Variants in FNDC1 observed in about 807,000 individuals in gnomAD.
FNDC1 encodes the protein fibronectin type III domain-containing protein 1.
A neutral mutation model predicts 168.0 loss-of-function variants in FNDC1; 96 were observed. The ratio of observed to expected loss-of-function variants is 0.57; its 90% CI spans 0.48 to 0.68. The LOEUF (loss-of-function observed/expected upper bound fraction) is 0.68. FNDC1 is among the 30% of genes least tolerant of loss of function. The pLI, the probability that FNDC1 is intolerant of heterozygous loss-of-function variation, is 0.00. For synonymous variants in FNDC1, 1,099 were observed against 1,025.9 expected, an observed-to-expected ratio of 1.07 and a Z score of -1.36; for missense variants, 2,587 against 2,482.1, an observed-to-expected ratio of 1.04 and a Z score of -0.90.
In FNDC1 at chr6:159,236,209, G is replaced by C. The variant is rs41267769; in HGVS notation, c.3968-6G>C. 1.7e-5 allele frequency: 28 copies of C among 1,606,392 alleles called. No individual in the cohort carries two copies. The highest frequency in any genetic ancestry group is 2.4e-5 in the Non-Finnish European group (28 of 1,173,392). Reference sequence around the variant, plus strand: ...CTCTGTTATTTTTATTTTTGGTACTGTGTAGGTTATAATGGCAGACCAAAT... The same window carrying C: ...CTCTGTTATTTTTATTTTTGGTACTCTGTAGGTTATAATGGCAGACCAAAT... On this transcript the variant is annotated splice_polypyrimidine_tract_variant and splice_region_variant and intron_variant, in intron 11 of 22. Transcript: ENST00000297267.
intron 17 of FNDC1, among the ~76,000 whole-genome samples, chr6:159,252,473 C>T (rs906237611): frequency 1.4e-4 from 21 of 152,102 alleles, no homozygotes; most frequent in Admixed American, 7.2e-4. Context: ...TGTACAGCAG[C>T]GCAAAAGCTA....
At position 159,234,330 on chromosome 6, in the gene FNDC1, C is replaced by T. The variant is rs1372972627; in HGVS notation, c.3818C>T (p.Ala1273Val). The change falls in exon 11 of 23, where the codon GCG (alanine) becomes GTG (valine). Residue 1273 changes from alanine (A) to valine (V), a missense_variant. Transcript: ENST00000297267. ...PRSAATVSPV[A>V]GTHPWPQYTT... ...AGCGCTGCCACCGTGAGCCCCGTCG[C>T]GGGCACCCACCCCTGGCCGCAGTAC... 6.2e-7 allele frequency: 1 copy of T among 1,610,384 alleles called. No individual in the cohort carries two copies. The highest frequency in any genetic ancestry group is 1.3e-5 in the African/African-American group (1 of 74,808).
chr6:159,217,035 G>A (rs1376798524), intron 5 of FNDC1, among the ~76,000 whole-genome samples: 1 of 152,150 alleles, frequency 6.6e-6, no homozygotes, highest in African/African-American at 2.4e-5. Context: ...GGTGGGAGCG[G>A]TGGGGAAGGT....
Position 159,229,830 on chromosome 6 carries a change from A to G in FNDC1, c.1196A>G (p.Tyr399Cys), listed in dbSNP as rs1398813245. The G allele has an allele frequency of 6.2e-7, 1 of 1,611,364 alleles. No individual in the cohort carries two copies. The highest frequency in any genetic ancestry group is 1.1e-5 in the South Asian group (1 of 90,508). Residue 399 changes from tyrosine to cysteine, a missense_variant, in exon 10 of 23, where the codon TAC (tyrosine) becomes TGC (cysteine). By Grantham distance (194) the Tyr-to-Cys change is radical. Transcript: ENST00000297267. ...EGKVKEYILS[Y>C]APALKPFGAK... ...ATCATTTCAGAATACATTCTTTCAT[A>G]CGCCCCGGCTCTCAAACCATTTGGA...
At chr6:159,207,093 C>T (rs567256782) in intron 4 of FNDC1, among the ~76,000 whole-genome samples, 1 of 152,278 alleles carries the variant, frequency 6.6e-6, no homozygotes, top group East Asian at 1.9e-4. Flanking sequence ...TCAGGAGTCC[C>T]TGCTGGCACC....
At position 159,238,675 on chromosome 6, in the gene FNDC1, A is replaced by T; in HGVS notation, c.4180+10A>T. ...GGTCGAACCATTGTAGGTAAGGGAG[A>T]ATGGTTTTTAAAGAATAAAAGCCTA... On this transcript the variant is annotated intron_variant, in intron 13 of 22. Coordinates refer to ENST00000297267, the MANE Select transcript of FNDC1 (RefSeq NM_032532.3). 6.5e-7 allele frequency: 1 copy of T among 1,546,650 alleles called. No individual in the cohort carries two copies. Among genetic ancestry groups the T allele is most frequent in the Non-Finnish European group, 8.8e-7 (1 of 1,133,398 alleles).
chr6:159,237,682 T>C (rs746772304), intron 12 of FNDC1, among the ~76,000 whole-genome samples: 8 of 152,264 alleles, frequency 5.3e-5, no homozygotes, highest in Admixed American at 1.3e-4. Flanking sequence ...ACAATTCATA[T>C]TGAAATATAT....
intron 4 of FNDC1, among the ~76,000 whole-genome samples, chr6:159,212,823 A>G (rs1472630447): frequency 6.6e-6 from 1 of 152,148 alleles, no homozygotes; most frequent in Admixed American, 6.5e-5. Flanking sequence ...TCATTAGAAG[A>G]GGTTGGGAGG....
Position 159,232,026 on chromosome 6 carries a change from T to C in FNDC1, c.1514T>C (p.Leu505Pro). 6.2e-7 allele frequency: 1 copy of C among 1,613,984 alleles called. No individual in the cohort carries two copies. The highest frequency in any genetic ancestry group is 8.5e-7 in the Non-Finnish European group (1 of 1,179,890). The change falls in exon 11 of 23, where the codon CTT becomes CCT. Residue 505 changes from leucine to proline, a missense_variant. Leu to Pro is a moderately conservative substitution (Grantham distance 98, BLOSUM62 -3). Coordinates refer to ENST00000297267, the MANE Select transcript of FNDC1 (RefSeq NM_032532.3). This position sits in a 1 kb window ranked among gnomAD's most constrained non-coding sequence, Gnocchi z 4.9. ...ASPQGRNAKD[L>P]LLDLKNKILA... ...CCCCAAGGGAGAAATGCCAAGGACCTTCTTCTTGACTTGAAGAACAAAATA... is the reference window on the plus strand; with the variant it reads ...CCCCAAGGGAGAAATGCCAAGGACCCTCTTCTTGACTTGAAGAACAAAATA...
chr6:159,238,254 C>T (rs928631822), intron 12 of FNDC1, among the ~76,000 whole-genome samples: 12 of 152,042 alleles, frequency 7.9e-5, no homozygotes, highest in African/African-American at 2.7e-4. Flanking sequence ...CCCGCCACCG[C>T]GCCTGGCTAT....
In FNDC1 at chr6:159,233,307, C is replaced by T. The variant is rs1008418383; in HGVS notation, c.2795C>T (p.Thr932Ile). 3 of 1,613,854 alleles carry T rather than the reference C, an allele frequency of 1.9e-6. No individual in the cohort carries two copies. Among genetic ancestry groups the T allele is most frequent in the East Asian group, 4.5e-5 (2 of 44,884 alleles). ...KEPIPENPKS[T>I]GADTHPQGKY... Reference sequence around the variant, plus strand: ...CCCATCCCAGAGAACCCCAAATCCACAGGGGCAGATACACATCCTCAGGGC... The same window carrying T: ...CCCATCCCAGAGAACCCCAAATCCATAGGGGCAGATACACATCCTCAGGGC... Residue 932 changes from threonine (T) to isoleucine (I), a missense_variant, in exon 11 of 23, where the codon ACA (threonine) becomes ATA (isoleucine). Physicochemically the swap from Thr to Ile is moderately conservative, Grantham distance 89. Transcript: ENST00000297267. The surrounding 1 kb of genome is among the most constrained non-coding windows in gnomAD (Gnocchi z 4.6).
At chr6:159,253,445 G>C (rs1225334869) in intron 17 of FNDC1, among the ~76,000 whole-genome samples, 1 of 152,196 alleles carries the variant, frequency 6.6e-6, no homozygotes, top group African/African-American at 2.4e-5. Context: ...CAGGGCATTT[G>C]AATCCTGCTG....
chr6:159,186,585 G>A (rs758288350), intron 1 of FNDC1, among the ~76,000 whole-genome samples: 3 of 152,368 alleles, frequency 2.0e-5, no homozygotes, highest in Non-Finnish European at 4.4e-5. Flanking sequence ...TGCATGGCAA[G>A]CTGACATGCA....
At chr6:159,264,902 A>G in intron 19 of FNDC1, 73 bp from the exon 20 acceptor site, 1 of 1,279,562 alleles carries the variant, frequency 7.8e-7, no homozygotes, top group Non-Finnish European at 1.1e-6. Flanking sequence ...TATTTCAGTT[A>G]CACTAACCAT....
At chr6:159,236,881 A>G (rs917412702) in intron 12 of FNDC1, among the ~76,000 whole-genome samples, 1 of 152,232 alleles carries the variant, frequency 6.6e-6, no homozygotes, top group African/African-American at 2.4e-5. Context: ...AACAGCTTTA[A>G]TTGCTTGGGG....
At chr6:159,269,293 C>T (rs111066650) in intron 22 of FNDC1, among the ~76,000 whole-genome samples, 7,265 of 30,952 alleles carry the variant, frequency 0.23, 1,635 homozygotes, top group East Asian at 0.37. Flanking sequence ...TCTATCTATC[C>T]ATCCATCCAT....
At chr6:159,203,413 A>G (rs1263971838) in intron 4 of FNDC1, among the ~76,000 whole-genome samples, 1 of 152,160 alleles carries the variant, frequency 6.6e-6, no homozygotes, top group Non-Finnish European at 1.5e-5. Flanking sequence ...GAGGAGGAGG[A>G]CCATGCCAGA....
chr6:159,172,562 C>G lies in FNDC1; in HGVS notation c.109+2857C>G, dbSNP rs182521494. ...AATGAATGTGATTTGTAAATGTCAT[C>G]TCATAAAATGTGTCAACATTTGGAT... On this transcript the variant is annotated intron_variant, in intron 1 of 22. Coordinates refer to ENST00000297267, the MANE Select transcript of FNDC1 (RefSeq NM_032532.3). Among the ~76,000 whole-genome samples the G allele has an allele frequency of 3.9e-5, 6 of 152,266 alleles. No individual in the cohort carries two copies. The East Asian group carries it at 9.6e-4, about 24-fold the overall frequency.
chr6:159,268,057 T>C (rs924443764), intron 22 of FNDC1, 131 bp downstream of exon 22: 19 of 909,554 alleles, frequency 2.1e-5, no homozygotes, highest in African/African-American at 1.0e-4. Flanking sequence ...CTTAAGGTCA[T>C]AAAAATAAAT....
Sources: allele counts gnomAD v4.1 joint callset (sites outside exome capture counted in the v4.1 genomes callset), GRCh38; gene constraint gnomAD v4.1.1; non-coding constraint Gnocchi (gnomAD v3.1); transcripts MANE v1.5; gene names NCBI Gene and HGNC (gene_info 2026-07-23, HGNC 2026-07-21).